PCDHGA7: variants seen among roughly 807,000 people sequenced by gnomAD.
The protein encoded by PCDHGA7 is protocadherin gamma subfamily A, 7, also known as protocadherin gamma-A7.
PCDHGA7 carries 44 observed loss-of-function variants against 58.3 expected under a neutral mutation model. That is an observed-to-expected ratio of 0.75 (90% CI 0.59 to 0.97). The LOEUF (loss-of-function observed/expected upper bound fraction) is 0.97, where lower values mean the gene tolerates loss of function less well. Among genes scored for constraint, PCDHGA7 ranks in the 50% least tolerant of loss-of-function variants. The pLI is 0.00. For missense variants in PCDHGA7, 1,266 were observed against 1,188.7 expected, an observed-to-expected ratio of 1.06 and a Z score of -0.96; for synonymous variants, 516 against 504.2, an observed-to-expected ratio of 1.02 and a Z score of -0.31.
rs1589320809 is a variant in PCDHGA7, at chr5:141,398,163, G to A, written c.2424+12840G>A. 6 of 1,482,244 alleles carry A rather than the reference G, an allele frequency of 4.0e-6. No homozygotes were observed. The Admixed American group carries it at 1.0e-4, about 26-fold the overall frequency. The allele number at this position is 1,482,244 out of a possible 1,614,324, so 91.8% of individuals were successfully genotyped here. A position where few individuals can be genotyped will look rare whatever the true frequency, so the allele number is the denominator to read the frequency against. Reference sequence around the variant, plus strand: ...GCGCCGGGGAGCTGGGCCGGGCTGAGAGGCTGCCAGTGCTCTTTCTCTTCC... The same window carrying A: ...GCGCCGGGGAGCTGGGCCGGGCTGAAAGGCTGCCAGTGCTCTTTCTCTTCC... On this transcript the variant is annotated intron_variant, in intron 1 of 3. Transcript: ENST00000518325.
intron 1 of PCDHGA7, among the ~76,000 whole-genome samples, chr5:141,436,923 T>C (rs2097854286): frequency 6.6e-6 from 1 of 152,224 alleles, no homozygotes; most frequent in African/African-American, 2.4e-5. Flanking sequence ...GAGTGTTACT[T>C]TTTCTTTGTC....
chr5:141,473,382 C>T (rs780229708), intron 1 of PCDHGA7, among the ~76,000 whole-genome samples: 3 of 152,190 alleles, frequency 2.0e-5, no homozygotes, highest in Non-Finnish European at 4.4e-5. Context: ...TGGTCCCTGC[C>T]CTCCTGGAGC....
At chr5:141,410,366 G>A (rs3749767) in intron 1 of PCDHGA7, 379,797 of 1,613,758 alleles carry the variant, frequency 0.24, 48,670 homozygotes, top group African/African-American at 0.5. Context: ...TCTCAGCCCT[G>A]CTACTTGGGA....
rs749528675 is a variant in PCDHGA7, at chr5:141,490,604, A to G, written c.2425-4203A>G. On this transcript the variant is annotated intron_variant, in intron 1 of 3. Coordinates refer to ENST00000518325, the MANE Select transcript of PCDHGA7 (RefSeq NM_018920.4). This position sits in a 1 kb window ranked among gnomAD's most constrained non-coding sequence, Gnocchi z 5.4. ...GTCAATGACAATGCACCCCGCTTCA[A>G]CCAGCAGCTTTACACTGCTTACATC... is the stretch of plus-strand genomic sequence containing the variant. 13 of 1,614,192 alleles carry G rather than the reference A, an allele frequency of 8.1e-6. No homozygotes were observed. Among genetic ancestry groups the G allele is most frequent in the Non-Finnish European group, 1.1e-5 (13 of 1,180,022 alleles).
chr5:141,470,718 G>A (rs916720866), intron 1 of PCDHGA7, among the ~76,000 whole-genome samples: 2 of 152,022 alleles, frequency 1.3e-5, no homozygotes, highest in Non-Finnish European at 2.9e-5. Flanking sequence ...ATTTTTTTGA[G>A]TCAGGGTCTT....
intron 1 of PCDHGA7, chr5:141,415,943 T>A: frequency 1.8e-6 from 1 of 552,806 alleles, no homozygotes; most frequent in Non-Finnish European, 2.7e-6. Flanking sequence ...TCCTCCTGGG[T>A]GGTCACATAT....
In PCDHGA7 at chr5:141,403,112, C is replaced by CT. The variant is rs765071462; in HGVS notation, c.2424+17790dup. The CT allele has an allele frequency of 3.1e-6, 5 of 1,614,074 alleles. No individual in the cohort carries two copies. In the South Asian group the frequency reaches 5.5e-5, roughly 18 times the overall value. On this transcript the variant is annotated intron_variant, in intron 1 of 3. Transcript: ENST00000518325. Reference sequence around the variant, plus strand: ...GGGCAACATCTCCAAGGACCTGGCTCTGGAGCCCCGGGAGCTGGCGGAGCG... The same window carrying CT: ...GGGCAACATCTCCAAGGACCTGGCTCTTGGAGCCCCGGGAGCTGGCGGAGCG...
At position 141,486,931 on chromosome 5, in the gene PCDHGA7, T is replaced by C. The variant is rs201042803; in HGVS notation, c.2425-7876T>C. 2 of 1,614,258 alleles carry C rather than the reference T, an allele frequency of 1.2e-6. No homozygotes were observed. Among genetic ancestry groups the C allele is most frequent in the East Asian group, 2.2e-5 (1 of 44,876 alleles). ...AAGCACTGCCTCCATCAGTTGGTGC[T>C]GGCCACCTAATCACAAAGGTGACTG... On this transcript the variant is annotated intron_variant, in intron 1 of 3. Coordinates refer to ENST00000518325, the MANE Select transcript of PCDHGA7 (RefSeq NM_018920.4). This position sits in a 1 kb window ranked among gnomAD's most constrained non-coding sequence, Gnocchi z 5.0.
intron 1 of PCDHGA7, among the ~76,000 whole-genome samples, chr5:141,447,752 G>T (rs2154561873): frequency 6.6e-6 from 1 of 152,280 alleles, no homozygotes; most frequent in Admixed American, 6.5e-5. Context: ...TCTTGCATGT[G>T]ACTGTATATA....
intron 2 of PCDHGA7, among the ~76,000 whole-genome samples, chr5:141,502,238 T>A (rs2099813398): frequency 6.6e-6 from 1 of 152,204 alleles, no homozygotes; most frequent in Non-Finnish European, 1.5e-5. Flanking sequence ...TGTGTTCTTT[T>A]ATCCTTTTTT....
chr5:141,423,462 C>G, intron 1 of PCDHGA7: 1 of 1,613,924 alleles, frequency 6.2e-7, no homozygotes, highest in Non-Finnish European at 8.5e-7. Flanking sequence ...TAGGCGTGGA[C>G]GGGGTACAGG....
intron 1 of PCDHGA7, among the ~76,000 whole-genome samples, chr5:141,438,340 G>A (rs1348587719): frequency 6.6e-6 from 1 of 151,522 alleles, no homozygotes; most frequent in Non-Finnish European, 1.5e-5. Flanking sequence ...TGTCATATAA[G>A]GATCTACTCT....
In PCDHGA7 at chr5:141,413,348, T is replaced by C. The variant is rs1217580039; in HGVS notation, c.2424+28025T>C. On this transcript the variant is annotated intron_variant, in intron 1 of 3. Transcript: ENST00000518325. The stretch of plus-strand genomic sequence containing the variant: ...GGCAACATCTCCAAGGACTTGGGTC[T>C]GGCGCCCCGGGAGCTGGCGGAGCGC... The C allele has an allele frequency of 1.9e-6, 3 of 1,613,872 alleles. No homozygotes were observed. In the Admixed American group the frequency reaches 5.0e-5, roughly 27 times the overall value.
chr5:141,428,546 A>C (rs1476382847), intron 1 of PCDHGA7: 1 of 263,642 alleles, frequency 3.8e-6, no homozygotes, highest in Non-Finnish European at 7.5e-6. Flanking sequence ...ATGACACCAG[A>C]AACAGTCCCC....
intron 1 of PCDHGA7, chr5:141,409,917 C>G: frequency 6.2e-7 from 1 of 1,613,376 alleles, no homozygotes; most frequent in South Asian, 1.1e-5. Flanking sequence ...CCTGACGGCT[C>G]CGCGTTCTTC....
chr5:141,384,784 G>T lies in PCDHGA7; in HGVS notation c.1885G>T (p.Ala629Ser). Reference sequence around the variant, plus strand: ...GCTGTACACGGGCGAGGTGCGCACGGCTCGGGCCCTGCTGGACAGAGATGC... The same window carrying T: ...GCTGTACACGGGCGAGGTGCGCACGTCTCGGGCCCTGCTGGACAGAGATGC... ...VGLYTGEVRT[A>S]RALLDRDALK... Residue 629 changes from alanine to serine, a missense_variant, in exon 1 of 4, where the codon GCT becomes TCT. Transcript: ENST00000518325. 6.2e-7 allele frequency: 1 copy of T among 1,613,618 alleles called. No homozygotes were observed. Among genetic ancestry groups the T allele is most frequent in the Non-Finnish European group, 8.5e-7 (1 of 1,179,930 alleles).
Position 141,490,310 on chromosome 5 carries a change from AC to A in PCDHGA7, c.2425-4494del. 1 of 1,614,084 alleles carries A rather than the reference AC, an allele frequency of 6.2e-7. No homozygotes were observed. The highest frequency in any genetic ancestry group is 8.5e-7 in the Non-Finnish European group (1 of 1,180,012). ...GAGGTGCTATTGGCCTCTTTGGCCA[AC>A]CCTGTCCTAGAGAGCACACCAGTGG... is the stretch of plus-strand genomic sequence containing the variant. On this transcript the variant is annotated intron_variant, in intron 1 of 3. Transcript: ENST00000518325. This position sits in a 1 kb window ranked among gnomAD's most constrained non-coding sequence, Gnocchi z 5.4.
intron 1 of PCDHGA7, chr5:141,410,140 G>C: frequency 6.2e-7 from 1 of 1,612,782 alleles, no homozygotes; most frequent in Non-Finnish European, 8.5e-7. Context: ...TGGTCGCTGT[G>C]CGTGACGGTG....
chr5:141,492,501 G>A (rs551410616), intron 1 of PCDHGA7, among the ~76,000 whole-genome samples: 8 of 152,302 alleles, frequency 5.3e-5, no homozygotes, highest in East Asian at 1.9e-4. Flanking sequence ...CGAGGACTCC[G>A]GAGCCTCCTC....
Sources: allele counts gnomAD v4.1 joint callset (sites outside exome capture counted in the v4.1 genomes callset), GRCh38; gene constraint gnomAD v4.1.1; non-coding constraint Gnocchi (gnomAD v3.1); transcripts MANE v1.5; gene names NCBI Gene and HGNC (gene_info 2026-07-23, HGNC 2026-07-21).